The following SLC30A8 variants were observed in gnomAD, a reference collection of about 807,000 sequenced individuals.
SLC30A8 encodes proton-coupled zinc antiporter SLC30A8.
In SLC30A8, 27 loss-of-function variants were observed where a neutral mutation model predicts 36.9. That is an observed-to-expected ratio of 0.73 (90% confidence interval 0.54 to 1.01). SLC30A8 has a LOEUF of 1.01. SLC30A8 is among the 50% of genes least tolerant of loss of function. SLC30A8 has a pLI of 0.00. For synonymous variants in SLC30A8, 164 were observed against 172.4 expected (o/e 0.95, Z 0.38); for missense variants, 439 against 452.0 (o/e 0.97, Z 0.26).
At chr8:117,142,201 T>A (rs886518213) in intron 1 of SLC30A8, among the ~76,000 whole-genome samples, 4 of 152,122 alleles carry the variant, frequency 2.6e-5, no homozygotes, top group Admixed American at 1.3e-4. Flanking sequence ...TAACTACTGT[T>A]ATTTATTAGC....
upstream of SLC30A8, among the ~76,000 whole-genome samples, chr8:117,133,662 A>G (rs374831956): frequency 3.4e-4 from 52 of 152,104 alleles, no homozygotes; most frequent in African/African-American, 1.1e-3. Flanking sequence ...TGTGCTAGAA[A>G]CTATTCACAA....
At chr8:117,162,593 C>CTGTT (rs1339702007) in intron 5 of SLC30A8, among the ~76,000 whole-genome samples, 2 of 152,162 alleles carry the variant, frequency 1.3e-5, no homozygotes, top group African/African-American at 4.8e-5. Context: ...TTAGCTCTGT[C>CTGTT]TGTTTGCATC....
chr8:117,022,614 C>T (rs1253390140), intron 1 of SLC30A8, among the ~76,000 whole-genome samples: 1 of 152,128 alleles, frequency 6.6e-6, no homozygotes, highest in East Asian at 1.9e-4. Flanking sequence ...CTGACAAAAA[C>T]AAGAAATGGG....
Position 117,172,854 on chromosome 8 carries a change from T to C in SLC30A8, c.*173T>C. ...CACCATGAAGGAAGAGGCACTGAGA[T>C]CCATCAATCAATTGGATTATATACT... On this transcript the variant is annotated 3_prime_UTR_variant, in exon 8 of 8. Transcript: ENST00000456015. 1.4e-6 allele frequency: 1 copy of C among 705,992 alleles called. No homozygotes were observed. Among genetic ancestry groups the C allele is most frequent in the Non-Finnish European group, 2.3e-6 (1 of 426,324 alleles). The allele number at this position is 705,992 out of a possible 1,614,324, so 43.7% of individuals were successfully genotyped here.
intron 2 of SLC30A8, among the ~76,000 whole-genome samples, chr8:117,076,358 C>A (rs1818486941): frequency 6.6e-6 from 1 of 152,144 alleles, no homozygotes; most frequent in Admixed American, 6.5e-5. Context: ...TTTGGGAAGG[C>A]AAGACAACCA....
chr8:117,127,536 AT>A (rs1233914498), intron 2 of SLC30A8, among the ~76,000 whole-genome samples: 1 of 152,044 alleles, frequency 6.6e-6, no homozygotes, highest in African/African-American at 2.4e-5. Context: ...TTCTTGTGAC[AT>A]TTTCCTGAAA....
intron 2 of SLC30A8, chr8:117,129,874 TAATTA>T (rs1821059226): frequency 6.6e-6 from 1 of 152,016 alleles, no homozygotes; most frequent in Non-Finnish European, 1.5e-5. Context: ...TTGCTTGTTA[TAATTA>T]AATAAACATT....
At chr8:117,015,545 C>A (rs1002108698) in intron 1 of SLC30A8, among the ~76,000 whole-genome samples, 1 of 151,860 alleles carries the variant, frequency 6.6e-6, no homozygotes, top group Non-Finnish European at 1.5e-5. Flanking sequence ...CACCCCCCCC[C>A]CCCAAAAAAA....
chr8:116,962,469 C>G (rs978869440), intron 1 of SLC30A8, among the ~76,000 whole-genome samples: 2 of 152,026 alleles, frequency 1.3e-5, no homozygotes, highest in Admixed American at 1.3e-4. Context: ...CCCATCATAG[C>G]TTTTATTCTC....
intron 7 of SLC30A8, 52 bp from the exon 8 acceptor site, chr8:117,172,484 C>A (rs1395030542): frequency 6.2e-7 from 1 of 1,612,150 alleles, no homozygotes; most frequent in Admixed American, 1.7e-5. Flanking sequence ...TCAGAGCAGT[C>A]GCCCATGCGT....
chr8:117,112,226 C>A (rs535230750), intron 2 of SLC30A8, among the ~76,000 whole-genome samples: 39 of 152,208 alleles, frequency 2.6e-4, no homozygotes, highest in African/African-American at 8.9e-4. Flanking sequence ...GCCAGAGTGT[C>A]TTGTGCTCCA....
intron 1 of SLC30A8, among the ~76,000 whole-genome samples, chr8:117,035,767 C>T (rs552292632): frequency 5.3e-5 from 8 of 152,352 alleles, no homozygotes; most frequent in South Asian, 2.1e-4. Context: ...GCAGAGGTTT[C>T]CAAACCTCAG....
intron 2 of SLC30A8, among the ~76,000 whole-genome samples, chr8:117,057,718 A>G (rs1361559215): frequency 6.6e-6 from 1 of 152,170 alleles, no homozygotes; most frequent in African/African-American, 2.4e-5. Context: ...TAATGGCTGA[A>G]TGATATTCTA....
intron 2 of SLC30A8, among the ~76,000 whole-genome samples, chr8:117,071,857 C>T (rs1421098294): frequency 6.6e-6 from 1 of 151,972 alleles, no homozygotes; most frequent in Non-Finnish European, 1.5e-5. Flanking sequence ...TAGTTTTTCT[C>T]TGTTTGTTCA....
intron 2 of SLC30A8, among the ~76,000 whole-genome samples, chr8:117,082,447 A>G (rs1199982474): frequency 6.6e-6 from 1 of 152,208 alleles, no homozygotes; most frequent in African/African-American, 2.4e-5. Context: ...ATCTCAGTGT[A>G]GTGGTCTTGG....
rs554405148 is a variant in SLC30A8 at position 117,045,743 on chromosome 8, T to C, written c.-226+6485T>C. On this transcript the variant is annotated intron_variant, in intron 2 of 10. Transcript: ENST00000427715. Reference sequence around the variant, plus strand: ...TTTCAAAGCGTGGCCAGTGCAGAGCTGTGAGGCTAGTAAACATCCATGTGA... The same window carrying C: ...TTTCAAAGCGTGGCCAGTGCAGAGCCGTGAGGCTAGTAAACATCCATGTGA... Among the ~76,000 whole-genome samples, 22 of 152,294 alleles carry C rather than the reference T, an allele frequency of 1.4e-4. No individual in the cohort carries two copies. The South Asian group carries it at 1.7e-3, about 11-fold the overall frequency.
At chr8:117,084,762 A>G (rs1478065638) in intron 2 of SLC30A8, among the ~76,000 whole-genome samples, 1 of 152,176 alleles carries the variant, frequency 6.6e-6, no homozygotes, top group Non-Finnish European at 1.5e-5. Context: ...ACTTACAACT[A>G]GTTTCTACAT....
intron 2 of SLC30A8, among the ~76,000 whole-genome samples, chr8:117,055,325 CT>C (rs902438462): frequency 6.6e-6 from 1 of 152,124 alleles, no homozygotes; most frequent in Non-Finnish European, 1.5e-5. Context: ...TAGAAATCTC[CT>C]TGGTTATATG....
rs533153926 is a variant in SLC30A8, at chr8:117,057,713, G to T, written c.-226+18455G>T. ...TGGTAAGATTTTCTTCATTTTAATG[G>T]CTGAATGATATTCTATTTTATATAT... On this transcript the variant is annotated intron_variant, in intron 2 of 10. Transcript: ENST00000427715. 9.9e-5 allele frequency among the ~76,000 whole-genome samples: 15 copies of T among 152,126 alleles called. No homozygotes were observed. In the South Asian group the frequency reaches 3.1e-3, roughly 32 times the overall value.
Sources: gnomAD v4.1 joint callset for allele counts (sites outside exome capture counted in the v4.1 genomes callset) on GRCh38, gnomAD v4.1.1 for gene constraint, MANE v1.5 for transcripts, NCBI Gene and HGNC (gene_info 2026-07-23, HGNC 2026-07-21) for gene names.